DYNC2H1: variants seen among roughly 807,000 people sequenced by gnomAD.
DYNC2H1 encodes the protein dynein cytoplasmic 2 heavy chain 1, also known as cytoplasmic dynein 2 heavy chain 1.
DYNC2H1 carries 410 observed loss-of-function variants against 570.0 expected under a neutral mutation model. That is an observed-to-expected ratio of 0.72 (90% CI 0.66 to 0.78). The LOEUF (loss-of-function observed/expected upper bound fraction) is 0.78. Ranked by LOEUF, DYNC2H1 falls within the 30% of genes least tolerant of loss-of-function variation. DYNC2H1 has a pLI of 0.00. For synonymous variants in DYNC2H1, 1,688 were observed against 1,677.6 expected, an observed-to-expected ratio of 1.01 and a Z score of -0.15; for missense variants, 4,865 against 5,046.4, an observed-to-expected ratio of 0.96 and a Z score of 1.09.
rs376471195 is a variant in DYNC2H1 at position 103,120,684 on chromosome 11, T to C, written c.1135-5T>C. The C allele has an allele frequency of 1.2e-6, 2 of 1,611,756 alleles. No individual in the cohort carries two copies. The highest frequency in any genetic ancestry group is 1.7e-6 in the Non-Finnish European group (2 of 1,178,816). The stretch of plus-strand genomic sequence containing the variant: ...AAAGTCTAACAATGTTGTTAATGTA[T>C]GTAGCCCTTGTGGAAAGCTGCGGTG... On this transcript the variant is annotated splice_polypyrimidine_tract_variant and splice_region_variant and intron_variant, in intron 7 of 88. Coordinates refer to ENST00000375735, the MANE Select transcript of DYNC2H1 (RefSeq NM_001377.3).
chr11:103,156,787 A>T lies in DYNC2H1; in HGVS notation c.4127+17A>T, dbSNP rs778443668. The T allele has an allele frequency of 6.3e-7, 1 of 1,590,034 alleles. No individual in the cohort carries two copies. The highest frequency in any genetic ancestry group is 1.9e-5 in the Admixed American group (1 of 51,826). ...AGATTTTAGGTCAGTACAATGATGTAAGACATAGACACATATGGTATTTTT... is the reference window on the plus strand; with the variant it reads ...AGATTTTAGGTCAGTACAATGATGTTAGACATAGACACATATGGTATTTTT... On this transcript the variant is annotated intron_variant, in intron 26 of 88. Coordinates refer to ENST00000375735, the MANE Select transcript of DYNC2H1 (RefSeq NM_001377.3).
intron 75 of DYNC2H1, among the ~76,000 whole-genome samples, chr11:103,302,806 T>C (rs922054777): frequency 2.0e-5 from 3 of 152,086 alleles, no homozygotes; most frequent in African/African-American, 7.2e-5. Flanking sequence ...GTGGTCTCAA[T>C]TTACAACACA....
intron 83 of DYNC2H1, among the ~76,000 whole-genome samples, chr11:103,370,578 G>C (rs1941105572): frequency 6.6e-6 from 1 of 152,188 alleles, no homozygotes; most frequent in Admixed American, 6.5e-5. Flanking sequence ...GTAGCCACAG[G>C]AGTGCTTGTG....
At chr11:103,207,836 A>G (rs1045353533) in intron 52 of DYNC2H1, among the ~76,000 whole-genome samples, 10 of 152,164 alleles carry the variant, frequency 6.6e-5, no homozygotes, top group Non-Finnish European at 7.3e-5. Flanking sequence ...GTGCTTGAGT[A>G]TGACAAAACA....
At chr11:103,231,439 G>A in intron 60 of DYNC2H1, 93 bp downstream of exon 60, 1 of 762,882 alleles carries the variant, frequency 1.3e-6, no homozygotes, top group Non-Finnish European at 2.1e-6. Context: ...TTAAGATTTA[G>A]ACTCTTATGT....
chr11:103,462,370 T>C (rs149955766), intron 87 of DYNC2H1, among the ~76,000 whole-genome samples: 1 of 151,078 alleles, frequency 6.6e-6, no homozygotes, highest in East Asian at 1.9e-4. Context: ...TCATTTTACA[T>C]TGTATCATAA....
At chr11:103,169,812 G>T (rs1040535073) in intron 32 of DYNC2H1, among the ~76,000 whole-genome samples, 10 of 152,024 alleles carry the variant, frequency 6.6e-5, no homozygotes, top group African/African-American at 2.4e-4. Context: ...AATAATTTTG[G>T]ATTTCTTTTC....
At chr11:103,350,245 T>C (rs996610757) in intron 82 of DYNC2H1, among the ~76,000 whole-genome samples, 8 of 152,250 alleles carry the variant, frequency 5.3e-5, no homozygotes, top group African/African-American at 1.7e-4. Context: ...GTTAAAAATA[T>C]AATATTGTTT....
At chr11:103,140,579 C>T (rs1859854588) in intron 17 of DYNC2H1, among the ~76,000 whole-genome samples, 1 of 152,150 alleles carries the variant, frequency 6.6e-6, no homozygotes. Flanking sequence ...CTGAGAGATC[C>T]CCTGTTAGTC....
intron 85 of DYNC2H1, among the ~76,000 whole-genome samples, chr11:103,444,513 G>C (rs1007992090): frequency 5.3e-5 from 8 of 152,060 alleles, no homozygotes; most frequent in African/African-American, 1.9e-4. Context: ...TGTTTGTTAA[G>C]CCTACCAGAA....
chr11:103,342,429 C>T (rs914180555), intron 82 of DYNC2H1, among the ~76,000 whole-genome samples: 5 of 152,210 alleles, frequency 3.3e-5, no homozygotes, highest in Admixed American at 2.0e-4. Context: ...GCTCCAGTCC[C>T]CTTCCACAAC....
chr11:103,235,314 G>T (rs1230925405), intron 61 of DYNC2H1, among the ~76,000 whole-genome samples: 1 of 151,744 alleles, frequency 6.6e-6, no homozygotes, highest in Non-Finnish European at 1.5e-5. Context: ...GGGTCTTCAT[G>T]CTGTAGCTTT....
At chr11:103,437,212 C>T (rs563094467) in intron 85 of DYNC2H1, among the ~76,000 whole-genome samples, 1 of 152,218 alleles carries the variant, frequency 6.6e-6, no homozygotes, top group South Asian at 2.1e-4. Context: ...TCCTGTCCTT[C>T]TCTCTCATCT....
chr11:103,430,685 A>G (rs748686893), intron 84 of DYNC2H1, among the ~76,000 whole-genome samples: 6 of 152,056 alleles, frequency 3.9e-5, no homozygotes, highest in Non-Finnish European at 8.8e-5. Flanking sequence ...TTAAGTCATC[A>G]GCCCATTTCT....
intron 1 of DYNC2H1, among the ~76,000 whole-genome samples, chr11:103,110,432 T>G (rs1403701629): frequency 6.6e-6 from 1 of 152,130 alleles, no homozygotes; most frequent in Non-Finnish European, 1.5e-5. Context: ...GAAGGCAAAT[T>G]CTAGTCTATC....
At chr11:103,270,999 AAGTT>A (rs1865689166) in intron 70 of DYNC2H1, among the ~76,000 whole-genome samples, 1 of 152,188 alleles carries the variant, frequency 6.6e-6, no homozygotes, top group Non-Finnish European at 1.5e-5. Flanking sequence ...AACTTCTTGA[AAGTT>A]AGTGTCTGTG....
At chr11:103,158,637 T>G (rs772959349) in intron 26 of DYNC2H1, 40 bp from the exon 27 acceptor site, 89 of 1,477,394 alleles carry the variant, frequency 6.0e-5, no homozygotes, top group Middle Eastern at 2.4e-4. Flanking sequence ...CCCCCCAAAT[T>G]GTTAAAGTAG....
chr11:103,207,900 C>T (rs12360974), intron 52 of DYNC2H1, among the ~76,000 whole-genome samples: 7,547 of 151,932 alleles, frequency 0.05, 253 homozygotes, highest in Non-Finnish European at 0.071. Context: ...TTTTGATTTA[C>T]CATGGAATTT....
chr11:103,429,263 A>G (rs1329127420), intron 84 of DYNC2H1, among the ~76,000 whole-genome samples: 2 of 121,060 alleles, frequency 1.7e-5, no homozygotes, highest in Non-Finnish European at 3.5e-5. Flanking sequence ...CCTGTCTCAA[A>G]AAAAAAACAA....
Sources: gnomAD v4.1 joint callset for allele counts (sites outside exome capture counted in the v4.1 genomes callset) on GRCh38, gnomAD v4.1.1 for gene constraint, MANE v1.5 for transcripts, NCBI Gene and HGNC (gene_info 2026-07-23, HGNC 2026-07-21) for gene names.